ATIC: variants seen among roughly 807,000 people sequenced by gnomAD.
The protein encoded by ATIC is 5-aminoimidazole-4-carboxamide ribonucleotide formyltransferase/IMP cyclohydrolase, also known as bifunctional purine biosynthesis protein ATIC.
Under a neutral mutation model 72.5 loss-of-function variants are expected in ATIC, and 64 were observed. The observed-to-expected ratio is 0.88, with a 90% CI of 0.72 to 1.09. The LOEUF (loss-of-function observed/expected upper bound fraction) is 1.09, where lower values mean the gene tolerates loss of function less well. ATIC is among the 50% of genes least tolerant of loss of function. The probability of loss-of-function intolerance (pLI) is 0.00; values close to 1 mark genes in which losing one functional copy is unlikely to be tolerated. For missense variants in ATIC, 787 were observed against 732.4 expected (o/e 1.07, Z -0.86); for synonymous variants, 281 against 267.1 (o/e 1.05, Z -0.51).
rs1187416953 is a variant in ATIC, at chr2:215,326,817, T to G, written c.532-5T>G. The G allele has an allele frequency of 3.7e-6, 6 of 1,613,988 alleles. No individual in the cohort carries two copies. The highest frequency in any genetic ancestry group is 4.2e-6 in the Non-Finnish European group (5 of 1,180,024). ...CGTGTCTCACAAAACTTACGCTTTT[T>G]GTAGGCATTCACTCATACGGCACAA... On this transcript the variant is annotated splice_region_variant and splice_polypyrimidine_tract_variant and intron_variant, in intron 6 of 15. Coordinates refer to ENST00000236959, the MANE Select transcript of ATIC (RefSeq NM_004044.7).
At chr2:215,341,228 T>C (rs1195219115) in intron 12 of ATIC, among the ~76,000 whole-genome samples, 1 of 152,244 alleles carries the variant, frequency 6.6e-6, no homozygotes, top group Non-Finnish European at 1.5e-5. Context: ...GCATTATACA[T>C]AGAAATATCT....
rs191680108 is a variant in ATIC at position 215,316,605 on chromosome 2, C to T, written c.147-1552C>T. 2.2e-3 allele frequency among the ~76,000 whole-genome samples: 339 copies of T among 152,044 alleles called. 1 individual carries two copies. The highest frequency in any genetic ancestry group is 7.7e-3 in the African/African-American group (318 of 41,464). Reference sequence around the variant, plus strand: ...CTATATATGTTGATTGTAGAAAATTCGAAAATATGGACAACTATAAAGAAG... The same window carrying T: ...CTATATATGTTGATTGTAGAAAATTTGAAAATATGGACAACTATAAAGAAG... On this transcript the variant is annotated intron_variant, in intron 2 of 15. Transcript: ENST00000236959.
rs190975135 is a variant in ATIC, at chr2:215,325,969, G to T, written c.380-18G>T. 3 of 1,613,698 alleles carry T rather than the reference G, an allele frequency of 1.9e-6. No homozygotes were observed. The South Asian group carries it at 3.3e-5, about 18-fold the overall frequency. The stretch of plus-strand genomic sequence containing the variant: ...GATAGGGACATACAAAAATCAATAA[G>T]TCTTTTGTTCTTCAAAGGTGGAGTA... On this transcript the variant is annotated intron_variant, in intron 5 of 15. Coordinates refer to ENST00000236959, the MANE Select transcript of ATIC (RefSeq NM_004044.7).
intron 2 of ATIC, among the ~76,000 whole-genome samples, chr2:215,315,052 A>G (rs2052694429): frequency 1.3e-5 from 2 of 152,310 alleles, no homozygotes; most frequent in Non-Finnish European, 2.9e-5. Context: ...GGTGTATGCT[A>G]GTAGACTGAG....
At chr2:215,359,220 G>GTAGT in the ATIC span, among the ~76,000 whole-genome samples, 1 of 152,156 alleles carries the variant, frequency 6.6e-6, no homozygotes, top group African/African-American at 2.4e-5. Context: ...TTTTAGGTTT[G>GTAGT]TAGTTAGGCA....
chr2:215,322,473 G>C (rs1401579900), intron 4 of ATIC, among the ~76,000 whole-genome samples: 1 of 151,568 alleles, frequency 6.6e-6, no homozygotes, highest in African/African-American at 2.4e-5. Context: ...GTGATTACAG[G>C]TGCCCGCCAC....
At chr2:215,341,912 G>A (rs992973745) in intron 12 of ATIC, among the ~76,000 whole-genome samples, 3 of 152,114 alleles carry the variant, frequency 2.0e-5, no homozygotes, top group Admixed American at 2.0e-4. Context: ...GTTCCACACG[G>A]TTGGGGAGGC....
chr2:215,315,778 C>T (rs1361931249), intron 2 of ATIC, among the ~76,000 whole-genome samples: 1 of 151,810 alleles, frequency 6.6e-6, no homozygotes. Flanking sequence ...TGGTGCAACT[C>T]CATCTCTGCT....
At chr2:215,354,101 C>T (rs1490512506), downstream of ATIC, among the ~76,000 whole-genome samples, 2 of 152,010 alleles carry the variant, frequency 1.3e-5, no homozygotes, top group Non-Finnish European at 2.9e-5. Flanking sequence ...GATCTCCACT[C>T]ACCACAGCCT....
rs760828428 is a variant in ATIC, at chr2:215,338,854, AATG to A, written c.1175_1177del (p.Asn392_Gly393delinsSer). The A allele has an allele frequency of 6.2e-7, 1 of 1,613,934 alleles. No homozygotes were observed. The highest frequency in any genetic ancestry group is 1.1e-5 in the South Asian group (1 of 91,076). On this transcript the variant is annotated inframe_deletion, in exon 12 of 16. Coordinates refer to ENST00000236959, the MANE Select transcript of ATIC (RefSeq NM_004044.7). The stretch of plus-strand genomic sequence containing the variant: ...TCTTCATTTAAGCCAGAAGAGAAAT[AATG>A]GTGTCGTCGACAAGTCATTATTTAG...
chr2:215,344,694 C>G, intron 12 of ATIC, 85 bp from the exon 13 acceptor site: 2 of 1,360,934 alleles, frequency 1.5e-6, no homozygotes, highest in Admixed American at 1.9e-5. Flanking sequence ...AAAAAAACCA[C>G]AAAAAATAAT....
rs113705724 is a variant in ATIC, at chr2:215,320,972, C to T, written c.290+1241C>T. Among the ~76,000 whole-genome samples, 811 of 152,264 alleles carry T rather than the reference C, an allele frequency of 5.3e-3. 7 individuals carry two copies. Among genetic ancestry groups the T allele is most frequent in the African/African-American group, 0.019 (773 of 41,544 alleles). On this transcript the variant is annotated intron_variant, in intron 4 of 15. Transcript: ENST00000236959. ...CAAGCCATTCATAAGGGATCTCCCC[C>T]GTGACCCAATCATCTCCCACCAGGC...
At chr2:215,334,406 G>C (rs886401360) in intron 9 of ATIC, among the ~76,000 whole-genome samples, 2 of 151,956 alleles carry the variant, frequency 1.3e-5, no homozygotes, top group Non-Finnish European at 2.9e-5. Context: ...ATGTTGGCCA[G>C]GCTGGTCTTG....
chr2:215,319,770 CA>C (rs2052748381), intron 4 of ATIC, 39 bp downstream of exon 4: 1 of 1,504,612 alleles, frequency 6.6e-7, no homozygotes, highest in African/African-American at 1.4e-5. Context: ...CATTACGAAC[CA>C]ACGACAAAGA....
Position 215,312,490 on chromosome 2 carries a change from T to G in ATIC, c.20-8T>G. The G allele has an allele frequency of 6.2e-7, 1 of 1,614,216 alleles. No individual in the cohort carries two copies. The highest frequency in any genetic ancestry group is 8.5e-7 in the Non-Finnish European group (1 of 1,180,028). ...GCGAATCATGAGAAAAAATGTCTTC[T>G]CTTTCAGCCTTATTTAGTGTCTCTG... On this transcript the variant is annotated splice_region_variant and splice_polypyrimidine_tract_variant and intron_variant, in intron 1 of 15. Transcript: ENST00000236959.
chr2:215,355,010 C>T, the ATIC span, among the ~76,000 whole-genome samples: 31 of 152,166 alleles, frequency 2.0e-4, no homozygotes, highest in East Asian at 5.8e-3. Context: ...GAAAACGACT[C>T]AGTTTAGGGC....
At chr2:215,362,429 C>T in the ATIC span, 13 of 295,028 alleles carry the variant, frequency 4.4e-5, no homozygotes, top group South Asian at 4.4e-4. Context: ...AGAATCCTAG[C>T]GATTTTAAAA....
intron 14 of ATIC, chr2:215,347,363 T>C (rs2053082516): frequency 2.7e-6 from 1 of 372,202 alleles, no homozygotes; most frequent in African/African-American, 2.1e-5. Flanking sequence ...TGGGGTCTTC[T>C]CCCACCACAT....
At chr2:215,316,936 A>G (rs979012396) in intron 2 of ATIC, among the ~76,000 whole-genome samples, 12 of 151,964 alleles carry the variant, frequency 7.9e-5, no homozygotes, top group Non-Finnish European at 1.6e-4. Context: ...CTAATTTTGT[A>G]TTTTTAGTAG....
Sources: gnomAD v4.1 joint callset for allele counts (sites outside exome capture counted in the v4.1 genomes callset) on GRCh38, gnomAD v4.1.1 for gene constraint, MANE v1.5 for transcripts, NCBI Gene and HGNC (gene_info 2026-07-23, HGNC 2026-07-21) for gene names.